The following SLC4A10 variants were observed in gnomAD, a reference collection of about 807,000 sequenced individuals.
SLC4A10 encodes sodium-driven chloride bicarbonate exchanger.
In SLC4A10, 42 loss-of-function variants were observed where a neutral mutation model predicts 137.7. That is an observed-to-expected ratio of 0.30 (90% CI 0.24 to 0.39). The LOEUF is 0.39. Among genes scored for constraint, SLC4A10 ranks in the 10% least tolerant of loss-of-function variants. The probability of loss-of-function intolerance (pLI) is 1.00; values close to 1 mark genes in which losing one functional copy is unlikely to be tolerated. For missense variants in SLC4A10, 925 were observed against 1,355.0 expected (o/e 0.68, Z 4.98); for synonymous variants, 474 against 464.1 (o/e 1.02, Z -0.27).
chr2:161,711,050 G>A (rs543558466), intron 1 of SLC4A10, among the ~76,000 whole-genome samples: 1 of 151,890 alleles, frequency 6.6e-6, no homozygotes, highest in African/African-American at 2.4e-5. Context: ...TTAGATAAAT[G>A]AAGGCTTAGG....
intron 25 of SLC4A10, 61 bp downstream of exon 25, chr2:161,976,937 T>A: frequency 2.3e-6 from 2 of 871,754 alleles, no homozygotes; most frequent in Non-Finnish European, 3.5e-6. Context: ...ACATAAACCA[T>A]AAGCAAAAGA....
At chr2:161,817,027 T>A (rs1047495640) in intron 3 of SLC4A10, among the ~76,000 whole-genome samples, 7 of 152,338 alleles carry the variant, frequency 4.6e-5, no homozygotes, top group African/African-American at 1.7e-4. Flanking sequence ...ATGGTATTTC[T>A]AGTTCTAGAT....
chr2:161,725,312 C>G (rs2125143834), intron 1 of SLC4A10, among the ~76,000 whole-genome samples: 1 of 152,240 alleles, frequency 6.6e-6, no homozygotes, highest in South Asian at 2.1e-4. Context: ...TCCTGGGAAA[C>G]TTTTTTCACC....
At chr2:161,776,195 C>T (rs544912410) in intron 2 of SLC4A10, among the ~76,000 whole-genome samples, 26 of 151,980 alleles carry the variant, frequency 1.7e-4, no homozygotes, top group African/African-American at 5.1e-4. Flanking sequence ...AGCAGCAGAA[C>T]TTGAGATGAA....
At chr2:161,784,720 A>G (rs985054454) in intron 2 of SLC4A10, among the ~76,000 whole-genome samples, 2 of 151,782 alleles carry the variant, frequency 1.3e-5, no homozygotes, top group Admixed American at 1.3e-4. Context: ...AAAACATAAT[A>G]TACCAAAACT....
intron 1 of SLC4A10, among the ~76,000 whole-genome samples, chr2:161,755,330 A>C (rs1356919363): frequency 6.6e-6 from 1 of 152,190 alleles, no homozygotes. Context: ...AACTGAGATT[A>C]ATTTCTTTTA....
At chr2:161,723,153 G>A (rs2045871725) in intron 1 of SLC4A10, among the ~76,000 whole-genome samples, 1 of 152,162 alleles carries the variant, frequency 6.6e-6, no homozygotes, top group East Asian at 1.9e-4. Flanking sequence ...TCACAGCCCT[G>A]TGCTTGGGTC....
intron 1 of SLC4A10, among the ~76,000 whole-genome samples, chr2:161,665,258 C>T (rs1185039919): frequency 6.6e-6 from 1 of 151,724 alleles, no homozygotes; most frequent in Non-Finnish European, 1.5e-5. Context: ...CAGTTCCTTG[C>T]GTTTTCAAGA....
chr2:161,969,142 G>C (rs561736134), intron 23 of SLC4A10, among the ~76,000 whole-genome samples: 3 of 152,312 alleles, frequency 2.0e-5, no homozygotes, highest in Admixed American at 6.5e-5. Context: ...TTGTCCTTTT[G>C]ATGATAGATA....
chr2:161,666,242 C>A (rs1288917495), intron 1 of SLC4A10, among the ~76,000 whole-genome samples: 2 of 151,568 alleles, frequency 1.3e-5, no homozygotes, highest in Non-Finnish European at 3.0e-5. Context: ...CTGTAGTTTT[C>A]TCTTGACAGA....
At chr2:161,660,627 C>CTTTCTTTCTTT (rs1574175827) in intron 1 of SLC4A10, among the ~76,000 whole-genome samples, 5 of 59,330 alleles carry the variant, frequency 8.4e-5, no homozygotes, top group African/African-American at 1.4e-4. Context: ...TTTCTTTCTT[C>CTTTCTTTCTTT]CTTTCCTTCT....
At chr2:161,885,342 A>T (rs1428166925) in intron 10 of SLC4A10, among the ~76,000 whole-genome samples, 1 of 152,226 alleles carries the variant, frequency 6.6e-6, no homozygotes, top group Non-Finnish European at 1.5e-5. Flanking sequence ...GAGAACAGTT[A>T]GCATTTTAGC....
rs576477958 is a variant in SLC4A10 at position 161,833,408 on chromosome 2, T to A, written c.278-6381T>A. Among the ~76,000 whole-genome samples, 13 of 152,312 alleles carry A rather than the reference T, an allele frequency of 8.5e-5. No individual in the cohort carries two copies. The South Asian group carries it at 2.5e-3, about 29-fold the overall frequency. On this transcript the variant is annotated intron_variant, in intron 3 of 26. Transcript: ENST00000446997. ...ACTATAGATGAGGCATTAATTAGTA[T>A]TGCACTCTTACAGCCCCAGATTGGT...
At chr2:161,927,306 A>G (rs1575678670) in intron 15 of SLC4A10, among the ~76,000 whole-genome samples, 1 of 151,846 alleles carries the variant, frequency 6.6e-6, no homozygotes, top group Non-Finnish European at 1.5e-5. Flanking sequence ...CATTTCATTC[A>G]TTTCATCTTC....
chr2:161,975,312 C>T (rs1699219872), intron 24 of SLC4A10, among the ~76,000 whole-genome samples: 1 of 152,044 alleles, frequency 6.6e-6, no homozygotes, highest in Non-Finnish European at 1.5e-5. Context: ...ATACCACTCT[C>T]GAAAGGGCTG....
intron 2 of SLC4A10, among the ~76,000 whole-genome samples, chr2:161,785,540 C>A (rs2053524320): frequency 6.6e-6 from 1 of 151,666 alleles, no homozygotes; most frequent in African/African-American, 2.4e-5. Flanking sequence ...TTATAGGAAG[C>A]AATGGATACC....
intron 1 of SLC4A10, among the ~76,000 whole-genome samples, chr2:161,756,034 G>C (rs540579958): frequency 6.6e-6 from 1 of 152,176 alleles, no homozygotes; most frequent in South Asian, 2.1e-4. Flanking sequence ...CTCCCAAAGT[G>C]CTGGGATTAC....
chr2:161,938,685 CAAA>C (rs1692064137), intron 15 of SLC4A10, among the ~76,000 whole-genome samples: 1 of 148,782 alleles, frequency 6.7e-6, no homozygotes, highest in African/African-American at 2.5e-5. Flanking sequence ...CCCATGATCG[CAAA>C]CCTTTGGAGC....
At chr2:161,816,232 G>A (rs934270150) in intron 3 of SLC4A10, among the ~76,000 whole-genome samples, 4 of 152,110 alleles carry the variant, frequency 2.6e-5, no homozygotes, top group Admixed American at 2.0e-4. Context: ...TTACGTGGAA[G>A]CATTCCAAAG....
Sources: gnomAD v4.1 joint callset for allele counts (sites outside exome capture counted in the v4.1 genomes callset) on GRCh38, gnomAD v4.1.1 for gene constraint, MANE v1.5 for transcripts, NCBI Gene and HGNC (gene_info 2026-07-23, HGNC 2026-07-21) for gene names.